CHTF18: variants seen among roughly 807,000 people sequenced by gnomAD.
CHTF18 encodes the protein chromosome transmission fidelity factor 18.
Under a neutral mutation model 113.4 loss-of-function variants are expected in CHTF18, and 151 were observed. The ratio of observed to expected loss-of-function variants is 1.33; its 90% CI spans 1.17 to 1.52. CHTF18 has a LOEUF of 1.52. CHTF18 is among the 40% of genes most tolerant of loss of function. The pLI, the probability that CHTF18 is intolerant of heterozygous loss-of-function variation, is 0.00. For missense variants in CHTF18, 1,982 were observed against 1,381.6 expected, an observed-to-expected ratio of 1.43 and a Z score of -6.89; for synonymous variants, 916 against 598.8, an observed-to-expected ratio of 1.53 and a Z score of -7.74.
intron 7 of CHTF18, 86 bp from the exon 8 acceptor site, chr16:791,075 G>A: frequency 2.0e-6 from 3 of 1,521,858 alleles, no homozygotes; most frequent in East Asian, 4.9e-5. Flanking sequence ...CATCCCATGG[G>A]GCATGGGGCT....
intron 4 of CHTF18, 90 bp from the exon 5 acceptor site, chr16:790,087 C>A: frequency 6.5e-7 from 1 of 1,538,662 alleles, no homozygotes. Context: ...CTGGGGTTGT[C>A]CCACCCGGGT....
rs754838223 is a variant in CHTF18 at position 790,210 on chromosome 16, G to A, written c.640G>A (p.Gly214Ser). ...CCTCCACGTCCCATGGCGAGGCGGT[G>A]GCCAGCTGGACCTGCTGGGTGTGTC... ...SLLHVPWRGGGQLDLLGVSLA... is the reference protein window; with the variant it reads ...SLLHVPWRGGSQLDLLGVSLA... Residue 214 changes from glycine to serine, a missense_variant, in exon 5 of 22, where the codon GGC (glycine) becomes AGC (serine). Gly to Ser is a moderately conservative substitution (Grantham distance 56). Transcript: ENST00000262315. The A allele has an allele frequency of 3.7e-6, 6 of 1,605,130 alleles. No individual in the cohort carries two copies. Among genetic ancestry groups the A allele is most frequent in the East Asian group, 2.2e-5 (1 of 44,506 alleles).
rs769018984 is a variant in CHTF18 at position 791,292 on chromosome 16, C to T, written c.1026C>T (p.Gly342=). The T allele has an allele frequency of 1.2e-6, 2 of 1,610,826 alleles. No homozygotes were observed. The highest frequency in any genetic ancestry group is 1.7e-6 in the Non-Finnish European group (2 of 1,179,558). Residue 342 remains glycine (G), a synonymous_variant, in exon 8 of 22, where the codon GGC becomes GGT. Coordinates refer to ENST00000262315, the MANE Select transcript of CHTF18 (RefSeq NM_022092.3). ...TCAGCAAGGAGGCCACAGCCCCAGG[C>T]AAGTGGAAGAGCCACGAACAGGTGC... ...ARVSKEATAP[G]KWKSHEQVLE...
In CHTF18 at chr16:796,076, C is replaced by T. The variant is rs980618492; in HGVS notation, c.2455C>T (p.Pro819Ser). 1 of 1,600,148 alleles carries T rather than the reference C, an allele frequency of 6.2e-7. No homozygotes were observed. The highest frequency in any genetic ancestry group is 2.3e-5 in the East Asian group (1 of 44,174). Residue 819 changes from proline (P) to serine (S), a missense_variant and splice_region_variant, in exon 18 of 22, where the codon CCG (proline) becomes TCG (serine). By Grantham distance (74) the Pro-to-Ser change is moderately conservative. Coordinates refer to ENST00000262315, the MANE Select transcript of CHTF18 (RefSeq NM_022092.3). ...TGGCCAGTACATCTACAGGCTGGAG[C>T]CGTGAGTCCCCCAGTGCCTGGGGTG... ...PDGQYIYRLE[P>S]NVEELCRFPE...
chr16:797,714 A>T lies in CHTF18; in HGVS notation c.2754A>T (p.Gly918=). The change falls in exon 21 of 22, where the codon GGA becomes GGT. Residue 918 remains glycine (G), a synonymous_variant. Transcript: ENST00000262315. ...ATCAGCCTGAGAAGGACTTCTTTGG[A>T]CGTGTGGTCGTCAGGAGCACAGCAG... The part of the protein sequence containing the change: ...REEQPEKDFF[G]RVVVRSTAVP... 2 of 1,600,610 alleles carry T rather than the reference A, an allele frequency of 1.2e-6. No homozygotes were observed. The highest frequency in any genetic ancestry group is 1.7e-6 in the Non-Finnish European group (2 of 1,177,466).
chr16:791,774 T>C (rs1262604931), intron 8 of CHTF18, 77 bp from the exon 9 acceptor site: 2 of 1,518,078 alleles, frequency 1.3e-6, no homozygotes, highest in East Asian at 2.5e-5. Flanking sequence ...GGGACACATG[T>C]GGCAGTCCCT....
chr16:795,209 G>T lies in CHTF18; in HGVS notation c.2028G>T (p.Leu676=). 1 of 1,555,564 alleles carries T rather than the reference G, an allele frequency of 6.4e-7. No homozygotes were observed. The highest frequency in any genetic ancestry group is 8.7e-7 in the Non-Finnish European group (1 of 1,149,884). ...CTGTGTGTGTGGCCCTCGACTGGCT[G>T]GCCTTCGATGACCTGCTGGCGGGGG... ...LGAVCVALDW[L]AFDDLLAGAA... is the part of the protein sequence containing the mutation. Residue 676 remains leucine, a synonymous_variant, in exon 16 of 22, where the codon CTG becomes CTT. Coordinates refer to ENST00000262315, the MANE Select transcript of CHTF18 (RefSeq NM_022092.3).
chr16:795,443 G>C lies in CHTF18; in HGVS notation c.2175+87G>C, dbSNP rs111594993. The C allele has an allele frequency of 6.2e-3, 2,066 of 334,790 alleles. 108 individuals are homozygous for C. The highest frequency in any genetic ancestry group is 0.048 in the African/African-American group (355 of 7,348). The allele number at this position is 334,790 out of a possible 1,614,324, so 20.7% of individuals were successfully genotyped here. A position where few individuals can be genotyped will look rare whatever the true frequency, so the allele number is the denominator to read the frequency against. ...TGTGGCTGCCCCCGGCCCCGTGCCC[G>C]CCCCCCCAAACACACTGCCCGTGTG... On this transcript the variant is annotated intron_variant, in intron 16 of 21. Coordinates refer to ENST00000262315, the MANE Select transcript of CHTF18 (RefSeq NM_022092.3).
rs1215475510 is a variant in CHTF18, at chr16:789,206, C to G, written c.287-4C>G. 2.6e-6 allele frequency: 4 copies of G among 1,550,754 alleles called. No individual in the cohort carries two copies. The highest frequency in any genetic ancestry group is 2.4e-5 in the South Asian group (2 of 84,180). On this transcript the variant is annotated splice_polypyrimidine_tract_variant and splice_region_variant and intron_variant, in intron 2 of 21. Coordinates refer to ENST00000262315, the MANE Select transcript of CHTF18 (RefSeq NM_022092.3). ...CTCTGGTTCCCTGCATGTGTCTCCC[C>G]CAGCCCCCAGGATCAAACGGCCTAG...
At position 797,005 on chromosome 16, in the gene CHTF18, T is replaced by G. The variant is rs1351869678; in HGVS notation, c.2646T>G (p.Ile882Met). The change falls in exon 20 of 22, where the codon ATT becomes ATG. Residue 882 changes from isoleucine (I) to methionine (M), a missense_variant. Physicochemically the swap from Ile to Met is conservative, Grantham distance 10 (BLOSUM62 1). Coordinates refer to ENST00000262315, the MANE Select transcript of CHTF18 (RefSeq NM_022092.3). Reference protein sequence around the residue: ...PPGLEGLLGGIGEKGVHRPAP... With the variant: ...PPGLEGLLGGMGEKGVHRPAP... ...GGCTCGAGGGTCTGCTGGGGGGCAT[T>G]GGGGAGAAAGGGGTGCACCGACCTG... 1 of 1,548,850 alleles carries G rather than the reference T, an allele frequency of 6.5e-7. No individual in the cohort carries two copies. Among genetic ancestry groups the G allele is most frequent in the Non-Finnish European group, 8.7e-7 (1 of 1,147,016 alleles).
Position 792,283 on chromosome 16 carries a change from C to A in CHTF18, c.1262C>A (p.Ser421Ter), listed in dbSNP as rs778877472. Residue 421 changes from serine (S) to a stop codon, truncating the protein, a stop_gained, in exon 10 of 22, where the codon TCG becomes TAG. Transcript: ENST00000262315. LOFTEE classifies it high-confidence loss of function. ...ATCGAGGCGGCCACCCAGATGGAGT[C>A]GGTGCTGGGTGCTGGCGGGAAGCCC... is the stretch of plus-strand genomic sequence containing the variant. ...TRIEAATQME[S>*]VLGAGGKPNC... 2 of 1,559,076 alleles carry A rather than the reference C, an allele frequency of 1.3e-6. No homozygotes were observed. The highest frequency in any genetic ancestry group is 2.4e-5 in the South Asian group (2 of 84,596).
At chr16:791,085 T>TCA in intron 7 of CHTF18, 76 bp from the exon 8 acceptor site, 1 of 1,532,678 alleles carries the variant, frequency 6.5e-7, no homozygotes, top group Non-Finnish European at 8.8e-7. Context: ...GGCATGGGGC[T>TCA]CATGGTGGCA....
chr16:793,743 G>A, intron 14 of CHTF18: 2 of 662,162 alleles, frequency 3.0e-6, no homozygotes, highest in Non-Finnish European at 5.6e-6. Flanking sequence ...GGGAGACGCT[G>A]GCCTGGGCCT....
chr16:795,085 C>T lies in CHTF18; in HGVS notation c.1951-47C>T, dbSNP rs1422955307. On this transcript the variant is annotated intron_variant, in intron 15 of 21. Coordinates refer to ENST00000262315, the MANE Select transcript of CHTF18 (RefSeq NM_022092.3). The stretch of plus-strand genomic sequence containing the variant: ...GAGGTGGAGGGTCCGTGGTGGTGCA[C>T]CTTCCCTGGGGTGGGCAGGAGCTCA... 5 of 1,457,576 alleles carry T rather than the reference C, an allele frequency of 3.4e-6. No individual in the cohort carries two copies. The African/African-American group carries it at 4.2e-5, about 12-fold the overall frequency. 90.3% of individuals were successfully genotyped at this position (1,457,576 alleles called of 1,614,324 possible).
rs991600859 is a variant in CHTF18 at position 795,070 on chromosome 16, G to A, written c.1951-62G>A. ...GAGGGTCTGTGGCGGGAGGTGGAGG[G>A]TCCGTGGTGGTGCACCTTCCCTGGG... On this transcript the variant is annotated intron_variant, in intron 15 of 21. Transcript: ENST00000262315. The A allele has an allele frequency of 6.7e-6, 9 of 1,338,602 alleles. No individual in the cohort carries two copies. In the South Asian group the frequency reaches 1.1e-4, roughly 17 times the overall value. The allele number at this position is 1,338,602 out of a possible 1,614,324, so 82.9% of individuals were successfully genotyped here. A position where few individuals can be genotyped will look rare whatever the true frequency, so the allele number is the denominator to read the frequency against.
chr16:794,935 G>C, intron 15 of CHTF18, 197 bp from the exon 16 acceptor site: 1 of 587,450 alleles, frequency 1.7e-6, no homozygotes, highest in Non-Finnish European at 3.0e-6. Context: ...CCGACCCCTT[G>C]GGCCCAGTGA....
At chr16:791,457 G>T in intron 8 of CHTF18, 87 bp downstream of exon 8, 1 of 1,473,582 alleles carries the variant, frequency 6.8e-7, no homozygotes, top group Non-Finnish European at 9.0e-7. Flanking sequence ...ACTTTCTCCA[G>T]GAGCCGTGGG....
chr16:796,782 A>G lies in CHTF18; in HGVS notation c.2522A>G (p.Lys841Arg), dbSNP rs368687342. The change falls in exon 19 of 22, where the codon AAG (lysine) becomes AGG (arginine). Residue 841 changes from lysine to arginine, a missense_variant. Transcript: ENST00000262315. Reference protein sequence around the residue: ...PARKPLTYQTKQLIAREIEVE... With the variant: ...PARKPLTYQTRQLIAREIEVE... ...CGCAAGCCCCTCACCTACCAGACGAAGCAGCTCATCGCCCGCGAGATCGAG... is the reference window on the plus strand; with the variant it reads ...CGCAAGCCCCTCACCTACCAGACGAGGCAGCTCATCGCCCGCGAGATCGAG... 249 of 1,610,294 alleles carry G rather than the reference A, an allele frequency of 1.5e-4. No homozygotes were observed. The highest frequency in any genetic ancestry group is 2.0e-4 in the Non-Finnish European group (232 of 1,179,642).
rs2042063651 is a variant in CHTF18, at chr16:788,688, G to A, written c.4G>A (p.Glu2Lys). Reference sequence around the variant, plus strand: ...GGAGCTCGGGCTCGCGGACGGTATGGAGGACTACGAGCAGGAGCTGTGCGG... The same window carrying A: ...GGAGCTCGGGCTCGCGGACGGTATGAAGGACTACGAGCAGGAGCTGTGCGG... M[E>K]DYEQELCGVE... Residue 2 changes from glutamate (E) to lysine (K), a missense_variant, in exon 1 of 22, where the codon GAG (glutamate) becomes AAG (lysine). Transcript: ENST00000262315. 1.9e-6 allele frequency: 3 copies of A among 1,590,566 alleles called. No homozygotes were observed. Among genetic ancestry groups the A allele is most frequent in the East Asian group, 4.7e-5 (2 of 42,232 alleles).
Sources: allele counts gnomAD v4.1 joint callset, GRCh38; gene constraint gnomAD v4.1.1; transcripts MANE v1.5; gene names NCBI Gene and HGNC (gene_info 2026-07-23, HGNC 2026-07-21).